The following SCIN variants were observed in gnomAD, a reference collection of about 807,000 sequenced individuals.
SCIN encodes adseverin.
Under a neutral mutation model 91.8 loss-of-function variants are expected in SCIN, and 91 were observed. That is an observed-to-expected ratio of 0.99 (90% confidence interval 0.84 to 1.18). The LOEUF (loss-of-function observed/expected upper bound fraction) is 1.18, where lower values mean the gene tolerates loss of function less well. Among genes scored for constraint, SCIN ranks in the 50% most tolerant of loss-of-function variants. SCIN has a pLI of 0.00. For synonymous variants in SCIN, 367 were observed against 312.6 expected, an observed-to-expected ratio of 1.17 and a Z score of -1.84; for missense variants, 1,087 against 863.9, an observed-to-expected ratio of 1.26 and a Z score of -3.24.
Position 12,651,772 on chromosome 7 carries a change from T to C in SCIN, c.1960-69T>C. The C allele has an allele frequency of 9.9e-7, 1 of 1,008,174 alleles. No individual in the cohort carries two copies. The allele number at this position is 1,008,174 out of a possible 1,614,324, so 62.5% of individuals were successfully genotyped here. A position where few individuals can be genotyped will look rare whatever the true frequency, so the allele number is the denominator to read the frequency against. On this transcript the variant is annotated intron_variant, in intron 14 of 15. Coordinates refer to ENST00000297029, the MANE Select transcript of SCIN (RefSeq NM_001112706.3). This position sits in a 1 kb window ranked among gnomAD's most constrained non-coding sequence, Gnocchi z 5.9. ...AATGAGCAATGTGTGTGTGAAGCAC[T>C]TTACATAGGGCCTAGCACTGAGTCA...
intron 3 of SCIN, among the ~76,000 whole-genome samples, chr7:12,596,886 T>A (rs910129891): frequency 6.6e-6 from 1 of 152,204 alleles, no homozygotes. Flanking sequence ...AATGGCATTA[T>A]TGACCAATCC....
rs1784215044 is a variant in SCIN, at chr7:12,658,900, G to A, written c.*6185G>A. ...GTATTTTTCAGCATACAAATTCAGAGGGGTGAAAGTAGGCAATGACACCAC... is the reference window on the plus strand; with the variant it reads ...GTATTTTTCAGCATACAAATTCAGAAGGGTGAAAGTAGGCAATGACACCAC... On this transcript the variant is annotated 3_prime_UTR_variant, in exon 16 of 16. Coordinates refer to ENST00000297029, the MANE Select transcript of SCIN (RefSeq NM_001112706.3). The A allele has an allele frequency of 6.6e-6, 1 of 152,166 alleles. No homozygotes were observed. The highest frequency in any genetic ancestry group is 1.5e-5 in the Non-Finnish European group (1 of 68,062). 9.4% of individuals were successfully genotyped at this position (152,166 alleles called of 1,614,324 possible).
intron 7 of SCIN, 103 bp from the exon 8 acceptor site, chr7:12,626,481 A>C (rs1380528485): frequency 1.1e-6 from 1 of 900,550 alleles, no homozygotes; most frequent in Non-Finnish European, 1.6e-6. Context: ...TAGCTAAACC[A>C]GGATAATTTT....
chr7:12,641,327 C>G (rs1202175361), intron 11 of SCIN, among the ~76,000 whole-genome samples: 1 of 152,180 alleles, frequency 6.6e-6, no homozygotes, highest in African/African-American at 2.4e-5. Flanking sequence ...AGGACAGATT[C>G]CCTGGCAGCC....
intron 10 of SCIN, among the ~76,000 whole-genome samples, chr7:12,637,766 A>AAT (rs1562630125): frequency 6.6e-6 from 1 of 152,166 alleles, no homozygotes; most frequent in Non-Finnish European, 1.5e-5. Flanking sequence ...ACTGAATCCA[A>AAT]ATTCAAAATG....
chr7:12,586,486 G>A (rs1394755571), intron 3 of SCIN, among the ~76,000 whole-genome samples: 2 of 152,052 alleles, frequency 1.3e-5, no homozygotes, highest in African/African-American at 2.4e-5. Context: ...CTGTGGTAAT[G>A]TAAATTACTA....
intron 5 of SCIN, 82 bp from the exon 6 acceptor site, chr7:12,624,928 G>A (rs1388265658): frequency 2.9e-5 from 41 of 1,390,950 alleles, no homozygotes; most frequent in Non-Finnish European, 3.8e-5. Context: ...TTACCGAGTT[G>A]TACAACCATT....
chr7:12,644,453 G>A lies in SCIN; in HGVS notation c.1760-131G>A, dbSNP rs1265259024. On this transcript the variant is annotated intron_variant, in intron 12 of 15. Coordinates refer to ENST00000297029, the MANE Select transcript of SCIN (RefSeq NM_001112706.3). Reference sequence around the variant, plus strand: ...CTCCATTAGTTGCAGAGGTGGGTGGGTGATGGTACCTGATTTCTTTAAGTA... The same window carrying A: ...CTCCATTAGTTGCAGAGGTGGGTGGATGATGGTACCTGATTTCTTTAAGTA... The A allele has an allele frequency of 3.4e-6, 5 of 1,450,690 alleles. No individual in the cohort carries two copies. In the African/African-American group the frequency reaches 7.1e-5, roughly 21 times the overall value. 89.9% of individuals were successfully genotyped at this position (1,450,690 alleles called of 1,614,324 possible). A position where few individuals can be genotyped will look rare whatever the true frequency, so the allele number is the denominator to read the frequency against.
At position 12,587,448 on chromosome 7, in the gene SCIN, T is replaced by C. The variant is rs1378312566; in HGVS notation, c.516+6227T>C. Reference sequence around the variant, plus strand: ...TGAGGTGTAGTCATTCCATTAATTCTTGAGCTTTCGGCTTTGGCCTCTGTT... The same window carrying C: ...TGAGGTGTAGTCATTCCATTAATTCCTGAGCTTTCGGCTTTGGCCTCTGTT... On this transcript the variant is annotated intron_variant, in intron 3 of 15. Coordinates refer to ENST00000297029, the MANE Select transcript of SCIN (RefSeq NM_001112706.3). Among the ~76,000 whole-genome samples the C allele has an allele frequency of 3.3e-5, 5 of 152,232 alleles. No individual in the cohort carries two copies. In the East Asian group the frequency reaches 9.6e-4, roughly 29 times the overall value.
chr7:12,626,000 C>A, intron 7 of SCIN, 150 bp downstream of exon 7: 1 of 582,048 alleles, frequency 1.7e-6, no homozygotes. Context: ...TGGTGTCCCT[C>A]TTCTTTATCT....
At chr7:12,583,707 G>A (rs1428200965) in intron 3 of SCIN, among the ~76,000 whole-genome samples, 2 of 152,012 alleles carry the variant, frequency 1.3e-5, no homozygotes, top group African/African-American at 4.8e-5. Context: ...TGGGTGTGGT[G>A]GTAGACAGGT....
chr7:12,578,298 G>C, intron 2 of SCIN, 80 bp downstream of exon 2: 4 of 1,294,900 alleles, frequency 3.1e-6, no homozygotes, highest in Non-Finnish European at 4.1e-6. Context: ...TAGAATGACA[G>C]TTCGTTGAGG....
intron 3 of SCIN, among the ~76,000 whole-genome samples, chr7:12,592,804 G>A (rs1413718220): frequency 2.6e-5 from 4 of 152,126 alleles, no homozygotes; most frequent in African/African-American, 4.8e-5. Flanking sequence ...TGAGAGGGAT[G>A]AGTGGGTCCT....
chr7:12,640,759 A>G (rs1783842767), intron 11 of SCIN, among the ~76,000 whole-genome samples: 2 of 152,246 alleles, frequency 1.3e-5, no homozygotes, highest in African/African-American at 4.8e-5. Flanking sequence ...ATTTTTAAGA[A>G]TACTGTCACA....
chr7:12,646,113 A>C (rs1420790434), intron 13 of SCIN, among the ~76,000 whole-genome samples: 1 of 152,264 alleles, frequency 6.6e-6, no homozygotes, highest in East Asian at 1.9e-4. Flanking sequence ...ACTGATATCA[A>C]CAGGAATGTT....
intron 14 of SCIN, among the ~76,000 whole-genome samples, chr7:12,650,950 G>GATA (rs1296369085): frequency 1.3e-5 from 2 of 152,132 alleles, no homozygotes; most frequent in Non-Finnish European, 2.9e-5. Flanking sequence ...AGGAAATGGG[G>GATA]ATAATGACTG....
intron 3 of SCIN, among the ~76,000 whole-genome samples, chr7:12,597,476 G>A (rs576514935): frequency 3.9e-5 from 6 of 152,332 alleles, no homozygotes; most frequent in East Asian, 1.9e-4. Flanking sequence ...AGTCAACATC[G>A]CATAGGCTGT....
intron 4 of SCIN, among the ~76,000 whole-genome samples, chr7:12,615,131 A>G (rs1236371259): frequency 6.6e-6 from 1 of 152,184 alleles, no homozygotes; most frequent in East Asian, 1.9e-4. Context: ...TTATTTTATA[A>G]CTTCAAAAAC....
At chr7:12,648,235 C>A (rs1376558297) in intron 13 of SCIN, among the ~76,000 whole-genome samples, 1 of 150,810 alleles carries the variant, frequency 6.6e-6, no homozygotes, top group Non-Finnish European at 1.5e-5. Context: ...ATAATGTCAT[C>A]TTATTGAAAT....
Sources: gnomAD v4.1 joint callset for allele counts (sites outside exome capture counted in the v4.1 genomes callset) on GRCh38, gnomAD v4.1.1 for gene constraint, Gnocchi (gnomAD v3.1) non-coding constraint, MANE v1.5 for transcripts, NCBI Gene and HGNC (gene_info 2026-07-23, HGNC 2026-07-21) for gene names.